NAP1L1: variants seen among roughly 807,000 people sequenced by gnomAD.
NAP1L1 encodes nucleosome assembly protein 1-like 1.
NAP1L1 carries 9 observed loss-of-function variants against 58.9 expected under a neutral mutation model. That is an observed-to-expected ratio of 0.15 (90% CI 0.09 to 0.27). NAP1L1 has a LOEUF of 0.27. Among genes scored for constraint, NAP1L1 ranks in the 10% least tolerant of loss-of-function variants. NAP1L1 has a pLI of 1.00. For missense variants in NAP1L1, 302 were observed against 458.8 expected (o/e 0.66, Z 3.12); for synonymous variants, 130 against 138.3 (o/e 0.94, Z 0.42).
chr12:76,058,329 CTG>C (rs1486689956), intron 6 of NAP1L1, among the ~76,000 whole-genome samples: 1 of 150,570 alleles, frequency 6.6e-6, no homozygotes, highest in Non-Finnish European at 1.5e-5. Flanking sequence ...ACAGGAGAGA[CTG>C]TCATGCTCAT....
chr12:76,084,163 G>A (rs1252736047), intron 1 of NAP1L1: 1 of 152,170 alleles, frequency 6.6e-6, no homozygotes, highest in Non-Finnish European at 1.5e-5. Flanking sequence ...GGGTGTCCAA[G>A]AGGCGGCCGG....
chr12:76,078,170 A>G (rs1950268363), intron 1 of NAP1L1, among the ~76,000 whole-genome samples: 2 of 152,056 alleles, frequency 1.3e-5, no homozygotes, highest in Admixed American at 6.6e-5. Context: ...AATTATCAGC[A>G]ACGTGAACTT....
intron 6 of NAP1L1, among the ~76,000 whole-genome samples, chr12:76,058,639 G>A (rs1784530044): frequency 6.6e-6 from 1 of 152,058 alleles, no homozygotes; most frequent in Admixed American, 6.5e-5. Flanking sequence ...GCCCACCTAG[G>A]CCTCCCAAAG....
chr12:76,084,209 C>A (rs1425364769), intron 1 of NAP1L1: 2 of 152,184 alleles, frequency 1.3e-5, no homozygotes, highest in African/African-American at 2.4e-5. Flanking sequence ...CCGGGGGCCT[C>A]CCGGTCCTCG....
At chr12:76,070,878 G>A (rs1046281759) in intron 2 of NAP1L1, among the ~76,000 whole-genome samples, 1 of 152,098 alleles carries the variant, frequency 6.6e-6, no homozygotes, top group Non-Finnish European at 1.5e-5. Flanking sequence ...GTAAATAGTT[G>A]TATTATGCTG....
chr12:76,074,160 T>C (rs765397709), intron 2 of NAP1L1, 43 bp downstream of exon 2: 2 of 1,461,514 alleles, frequency 1.4e-6, no homozygotes, highest in South Asian at 2.3e-5. Context: ...GAGTACAAAG[T>C]GATGCCAAAT....
intron 14 of NAP1L1, 159 bp downstream of exon 14, chr12:76,049,041 T>C (rs778806058): frequency 2.2e-4 from 150 of 668,782 alleles, no homozygotes; most frequent in Non-Finnish European, 3.5e-4. Flanking sequence ...AAATTATGTG[T>C]ACTGTTCACA....
At chr12:76,082,956 G>A (rs907124266) in intron 1 of NAP1L1, among the ~76,000 whole-genome samples, 2 of 152,202 alleles carry the variant, frequency 1.3e-5, no homozygotes, top group East Asian at 1.9e-4. Flanking sequence ...GGCAAGCAGT[G>A]TAAATTTTAA....
intron 11 of NAP1L1, among the ~76,000 whole-genome samples, chr12:76,052,266 CAA>C (rs546950800): frequency 2.7e-5 from 4 of 150,484 alleles, no homozygotes; most frequent in Non-Finnish European, 5.9e-5. Flanking sequence ...AACAAACAAA[CAA>C]AAAAAAACCC....
intron 6 of NAP1L1, among the ~76,000 whole-genome samples, chr12:76,059,174 T>C (rs1246332972): frequency 1.3e-5 from 2 of 152,244 alleles, no homozygotes; most frequent in Non-Finnish European, 2.9e-5. Flanking sequence ...GAAGTGATGG[T>C]GCACTGTGTG....
rs1949070867 is a variant in NAP1L1, at chr12:76,056,079, CA to C, written c.511del (p.Trp171GlyfsTer2). ...GTCAACATTCTTAAAAACAGTTAAC[CA>C]AAATTCAGGAATTCCTTTGGGGTCT... ...KEDPKGIPEF[W>X]LTVFKNVDLL... On this transcript the variant is annotated frameshift_variant, in exon 7 of 15. Transcript: ENST00000618691. LOFTEE classifies it high-confidence loss of function. The C allele has an allele frequency of 6.2e-7, 1 of 1,612,372 alleles. No individual in the cohort carries two copies. Among genetic ancestry groups the C allele is most frequent in the Non-Finnish European group, 8.5e-7 (1 of 1,179,774 alleles).
At chr12:76,082,099 A>C (rs1045018717) in intron 1 of NAP1L1, among the ~76,000 whole-genome samples, 6 of 152,238 alleles carry the variant, frequency 3.9e-5, no homozygotes, top group Non-Finnish European at 8.8e-5. Flanking sequence ...CTGATCATTA[A>C]TATTTTGATA....
intron 1 of NAP1L1, among the ~76,000 whole-genome samples, chr12:76,079,878 G>A (rs1222162798): frequency 6.6e-6 from 1 of 152,012 alleles, no homozygotes; most frequent in Non-Finnish European, 1.5e-5. Context: ...TTTTTGTAAA[G>A]ACAGGGTGTC....
At position 76,041,743 on chromosome 12, in the gene NAP1L1, C is replaced by G. The variant is rs1326872341; in HGVS notation, c.*6686G>C. On this transcript the variant is annotated 3_prime_UTR_variant, in exon 15 of 15. Coordinates refer to ENST00000618691, the MANE Select transcript of NAP1L1 (RefSeq NM_004537.7). ...GATAATAAAAATAAAACTTTGTTGA[C>G]TGGCCTAATCCAAGTCTAAAATCAC... 2.6e-5 allele frequency: 4 copies of G among 152,180 alleles called. No individual in the cohort carries two copies. The highest frequency in any genetic ancestry group is 5.9e-5 in the Non-Finnish European group (4 of 68,032). 9.4% of individuals were successfully genotyped at this position (152,180 alleles called of 1,614,324 possible).
rs368909313 is a variant in NAP1L1, at chr12:76,053,121, G to C, written c.917-11C>G. ...CTCCACTCTCAGGAACTGCAAAATT[G>C]AGAAAAGAAATTACAATGAATAAGA... On this transcript the variant is annotated splice_polypyrimidine_tract_variant and intron_variant, in intron 10 of 14. Transcript: ENST00000618691. 1,756 of 1,612,222 alleles carry C rather than the reference G, an allele frequency of 1.1e-3. 1 individual carries two copies. The highest frequency in any genetic ancestry group is 1.2e-3 in the Non-Finnish European group (1,400 of 1,179,010).
chr12:76,060,416 T>C (rs1774376973), intron 4 of NAP1L1, 137 bp from the exon 5 acceptor site: 1 of 805,876 alleles, frequency 1.2e-6, no homozygotes, highest in Non-Finnish European at 1.9e-6. Context: ...TCAAAGTAAA[T>C]AAAAATCAAA....
chr12:76,065,795 G>C lies in NAP1L1; in HGVS notation c.206+1576C>G, dbSNP rs558231181. ...TCAACGTTTTAAGGTTTTTTTGCTT[G>C]TTGACAACCCTGGTAAACTTAACTG... On this transcript the variant is annotated intron_variant, in intron 4 of 14. Transcript: ENST00000618691. Among the ~76,000 whole-genome samples, 6 of 151,998 alleles carry C rather than the reference G, an allele frequency of 3.9e-5. No homozygotes were observed. The East Asian group carries it at 7.7e-4, about 20-fold the overall frequency.
At chr12:76,050,994 G>A (rs1251715810) in intron 11 of NAP1L1, among the ~76,000 whole-genome samples, 1 of 144,210 alleles carries the variant, frequency 6.9e-6, no homozygotes, top group Non-Finnish European at 1.5e-5. Context: ...ACTCTAGCCT[G>A]GGCAACCGAA....
chr12:76,072,864 T>C (rs1950021724), intron 2 of NAP1L1, among the ~76,000 whole-genome samples: 1 of 152,186 alleles, frequency 6.6e-6, no homozygotes, highest in South Asian at 2.1e-4. Flanking sequence ...TTTTCAGTCA[T>C]GACATGTCTT....
Sources: gnomAD v4.1 joint callset for allele counts (sites outside exome capture counted in the v4.1 genomes callset) on GRCh38, gnomAD v4.1.1 for gene constraint, MANE v1.5 for transcripts, NCBI Gene and HGNC (gene_info 2026-07-23, HGNC 2026-07-21) for gene names.